The following GLRB variants were observed in gnomAD, a reference collection of about 807,000 sequenced individuals.
The protein encoded by GLRB is glycine receptor subunit beta.
GLRB carries 33 observed loss-of-function variants against 54.2 expected under a neutral mutation model. That is an observed-to-expected ratio of 0.61 (90% CI 0.46 to 0.81). The LOEUF is 0.81. GLRB is among the 40% of genes least tolerant of loss of function. GLRB has a pLI of 0.00. For synonymous variants in GLRB, 209 were observed against 208.2 expected (o/e 1.00, Z -0.03); for missense variants, 572 against 584.6 (o/e 0.98, Z 0.22).
chr4:157,130,707 A>G (rs988653786), intron 4 of GLRB, among the ~76,000 whole-genome samples: 9 of 151,714 alleles, frequency 5.9e-5, no homozygotes, highest in African/African-American at 1.9e-4. Flanking sequence ...TGCTATGAAC[A>G]TGGGTGTACA....
In GLRB at chr4:157,078,977, T is replaced by C. The variant is rs1192693117; in HGVS notation, c.122+831T>C. ...TTAGTAGAGACAGGATTTCACCATG[T>C]TGACCTGTCTGGTCTCCAACTCCTG... On this transcript the variant is annotated intron_variant, in intron 2 of 9. Transcript: ENST00000264428. Among the ~76,000 whole-genome samples the C allele has an allele frequency of 2.0e-5, 3 of 152,202 alleles. No homozygotes were observed. In the South Asian group the frequency reaches 6.2e-4, roughly 31 times the overall value.
At chr4:157,160,089 C>T (rs1008826484) in intron 9 of GLRB, among the ~76,000 whole-genome samples, 1 of 152,086 alleles carries the variant, frequency 6.6e-6, no homozygotes, top group Non-Finnish European at 1.5e-5. Flanking sequence ...GGAATTTATC[C>T]ATTTCTTCTA....
rs191270904 is a variant in GLRB at position 157,172,042 on chromosome 4, C to T, written c.*1314C>T. 145 of 151,852 alleles carry T rather than the reference C, an allele frequency of 9.5e-4. No individual in the cohort carries two copies. The highest frequency in any genetic ancestry group is 3.2e-3 in the African/African-American group (131 of 41,504). 9.4% of individuals were successfully genotyped at this position (151,852 alleles called of 1,614,324 possible). ...TATCTGGAGAGTTTTGTTGCAGCTACGAGTTTGTATGGCAAATTCAATAAT... is the reference window on the plus strand; with the variant it reads ...TATCTGGAGAGTTTTGTTGCAGCTATGAGTTTGTATGGCAAATTCAATAAT... On this transcript the variant is annotated 3_prime_UTR_variant, in exon 10 of 10. Coordinates refer to ENST00000264428, the MANE Select transcript of GLRB (RefSeq NM_000824.5).
At chr4:157,106,940 C>T (rs1253298442) in intron 2 of GLRB, among the ~76,000 whole-genome samples, 3 of 152,006 alleles carry the variant, frequency 2.0e-5, no homozygotes, top group Non-Finnish European at 4.4e-5. Flanking sequence ...AGTGTGTTGG[C>T]ATCATTTTTC....
chr4:157,169,609 A>T (rs1737842841), intron 9 of GLRB, among the ~76,000 whole-genome samples: 1 of 152,094 alleles, frequency 6.6e-6, no homozygotes, highest in South Asian at 2.1e-4. Context: ...CTGCATTTGG[A>T]TGTAAATTCA....
Position 157,122,168 on chromosome 4 carries a change from G to T in GLRB, c.230-162G>T, listed in dbSNP as rs534429690. Among the ~76,000 whole-genome samples, 10 of 149,910 alleles carry T rather than the reference G, an allele frequency of 6.7e-5. No individual in the cohort carries two copies. The South Asian group carries it at 2.1e-3, about 31-fold the overall frequency. ...TTATGATTCCTATTTAGAAAAACAAGTTAATAGCAATTATGAACATGTTAT... is the reference window on the plus strand; with the variant it reads ...TTATGATTCCTATTTAGAAAAACAATTTAATAGCAATTATGAACATGTTAT... On this transcript the variant is annotated intron_variant, in intron 3 of 9. Transcript: ENST00000264428.
At chr4:157,076,558 G>C (rs1002309571) in intron 1 of GLRB, 2 of 152,092 alleles carry the variant, frequency 1.3e-5, no homozygotes, top group African/African-American at 4.8e-5. Context: ...AGAGGGCCGG[G>C]GTAATTAGGA....
At chr4:157,117,698 C>T (rs918250565) in intron 2 of GLRB, among the ~76,000 whole-genome samples, 1 of 151,624 alleles carries the variant, frequency 6.6e-6, no homozygotes, top group Non-Finnish European at 1.5e-5. Flanking sequence ...CCTTACAGCA[C>T]AGGCAACATG....
chr4:157,130,902 C>A (rs542484052), intron 4 of GLRB, among the ~76,000 whole-genome samples: 2 of 151,762 alleles, frequency 1.3e-5, no homozygotes, highest in Non-Finnish European at 3.0e-5. Context: ...AGGGAACCAA[C>A]AGCATAGTGA....
At chr4:157,114,035 C>G (rs939033006) in intron 2 of GLRB, among the ~76,000 whole-genome samples, 4 of 151,880 alleles carry the variant, frequency 2.6e-5, no homozygotes, top group African/African-American at 9.7e-5. Context: ...TCATGAATAA[C>G]CACCAATTTA....
intron 2 of GLRB, among the ~76,000 whole-genome samples, chr4:157,088,728 C>A (rs894025469): frequency 2.0e-5 from 3 of 152,170 alleles, no homozygotes; most frequent in Non-Finnish European, 4.4e-5. Context: ...CATCTCCCCA[C>A]TGTCTTCTGA....
intron 2 of GLRB, among the ~76,000 whole-genome samples, chr4:157,080,727 C>T (rs1001802067): frequency 3.3e-5 from 5 of 152,072 alleles, no homozygotes; most frequent in African/African-American, 9.6e-5. Context: ...AAATCAAGTA[C>T]AGACTACCCT....
At chr4:157,108,676 G>A (rs1245577056) in intron 2 of GLRB, among the ~76,000 whole-genome samples, 3 of 152,048 alleles carry the variant, frequency 2.0e-5, no homozygotes, top group Admixed American at 1.3e-4. Flanking sequence ...TGAGAACAAT[G>A]TCAAAATGAC....
At chr4:157,122,652 G>A (rs1424239040) in intron 4 of GLRB, among the ~76,000 whole-genome samples, 1 of 151,696 alleles carries the variant, frequency 6.6e-6, no homozygotes, top group Non-Finnish European at 1.5e-5. Flanking sequence ...GAAAAACTGT[G>A]ATTGGATACA....
intron 2 of GLRB, among the ~76,000 whole-genome samples, chr4:157,085,452 C>T (rs1734375001): frequency 6.6e-6 from 1 of 152,034 alleles, no homozygotes; most frequent in Admixed American, 6.6e-5. Flanking sequence ...TAGTTATTCA[C>T]CCTAGCTTTT....
chr4:157,079,749 T>C (rs1250102650), intron 2 of GLRB, among the ~76,000 whole-genome samples: 2 of 152,194 alleles, frequency 1.3e-5, no homozygotes, highest in South Asian at 2.1e-4. Flanking sequence ...AGCTGGAGAT[T>C]AGCATTTTAG....
chr4:157,100,310 G>C (rs1004279881), intron 2 of GLRB, among the ~76,000 whole-genome samples: 6 of 152,080 alleles, frequency 3.9e-5, no homozygotes, highest in African/African-American at 4.8e-5. Context: ...ATAGTGTTAA[G>C]ACTCATTTTT....
intron 2 of GLRB, among the ~76,000 whole-genome samples, chr4:157,099,831 G>T (rs1231928020): frequency 6.6e-6 from 1 of 151,912 alleles, no homozygotes; most frequent in Non-Finnish European, 1.5e-5. Context: ...TGATATTATT[G>T]GTAATCATTT....
chr4:157,113,444 A>G (rs1187091977), intron 2 of GLRB, among the ~76,000 whole-genome samples: 2 of 151,950 alleles, frequency 1.3e-5, no homozygotes, highest in East Asian at 3.9e-4. Context: ...GTTGAGCAAT[A>G]TACGGTATAA....
Sources: gnomAD v4.1 joint callset for allele counts (sites outside exome capture counted in the v4.1 genomes callset) on GRCh38, gnomAD v4.1.1 for gene constraint, MANE v1.5 for transcripts, NCBI Gene and HGNC (gene_info 2026-07-23, HGNC 2026-07-21) for gene names.